The following PCM1 variants were observed in gnomAD, a reference collection of about 807,000 sequenced individuals.
PCM1 encodes the protein pericentriolar material 1.
PCM1 carries 157 observed loss-of-function variants against 241.9 expected under a neutral mutation model. The ratio of observed to expected loss-of-function variants is 0.65; its 90% CI spans 0.57 to 0.74. The LOEUF (loss-of-function observed/expected upper bound fraction) is 0.74, where lower values mean the gene tolerates loss of function less well. PCM1 is among the 30% of genes least tolerant of loss of function. PCM1 has a pLI of 0.00. For missense variants in PCM1, 3,478 were observed against 2,360.1 expected (o/e 1.47, Z -9.81); for synonymous variants, 1,085 against 784.9 (o/e 1.38, Z -6.39).
chr8:17,934,337 C>G (rs1413356756), intron 2 of PCM1, among the ~76,000 whole-genome samples: 2 of 151,744 alleles, frequency 1.3e-5, no homozygotes, highest in Admixed American at 6.6e-5. Flanking sequence ...TCTCGGCTCA[C>G]TGCAACCTTG....
At chr8:17,940,394 A>G (rs540137407) in intron 6 of PCM1, among the ~76,000 whole-genome samples, 6 of 152,342 alleles carry the variant, frequency 3.9e-5, no homozygotes, top group Non-Finnish European at 7.4e-5. Flanking sequence ...TTTGATCTTC[A>G]GTTTATAGAA....
chr8:17,944,008 G>C (rs760809751), intron 6 of PCM1, among the ~76,000 whole-genome samples: 8 of 152,238 alleles, frequency 5.3e-5, no homozygotes, highest in Middle Eastern at 6.8e-3. Flanking sequence ...TCTTGTATAA[G>C]ATGTCAGAAG....
At chr8:17,975,377 A>G (rs1046732265) in intron 23 of PCM1, among the ~76,000 whole-genome samples, 8 of 151,984 alleles carry the variant, frequency 5.3e-5, no homozygotes, top group Non-Finnish European at 1.2e-4. Context: ...TGGTCAGGCT[A>G]GTCTTGAACT....
At chr8:17,983,219 G>A (rs1587773956) in intron 24 of PCM1, 1 of 1,306,636 alleles carries the variant, frequency 7.7e-7, no homozygotes, top group Non-Finnish European at 1.0e-6. Flanking sequence ...CCTTATGTCT[G>A]CCCTTTCCTA....
At chr8:17,999,644 C>T (rs1166423094) in intron 29 of PCM1, among the ~76,000 whole-genome samples, 2 of 152,126 alleles carry the variant, frequency 1.3e-5, no homozygotes, top group Non-Finnish European at 2.9e-5. Context: ...GTGGCGTCAG[C>T]AATTCAAGAT....
rs373160772 is a variant in PCM1, at chr8:17,938,907, G to C, written c.510G>C (p.Gln170His). The C allele has an allele frequency of 5.6e-6, 9 of 1,613,620 alleles. No homozygotes were observed. Among genetic ancestry groups the C allele is most frequent in the Non-Finnish European group, 6.8e-6 (8 of 1,179,656 alleles). Reference protein sequence around the residue: ...PPNRETIGSAQCKELFASALS... With the variant: ...PPNRETIGSAHCKELFASALS... ...ACAGAGAAACGATTGGATCAGCACA[G>C]TGTAAAGAGTTGTTTGCTTCTGCTT... is the stretch of plus-strand genomic sequence containing the variant. Residue 170 changes from glutamine (Q) to histidine (H), a missense_variant, in exon 5 of 39, where the codon CAG (glutamine) becomes CAC (histidine). Transcript: ENST00000325083.
intron 24 of PCM1, among the ~76,000 whole-genome samples, chr8:17,984,682 G>A (rs960167976): frequency 2.6e-5 from 4 of 151,762 alleles, no homozygotes; most frequent in African/African-American, 9.7e-5. Context: ...TTCTTTGAAA[G>A]CGCAATGTAT....
At chr8:18,009,799 G>C in intron 31 of PCM1, 55 bp downstream of exon 31, 1 of 1,087,590 alleles carries the variant, frequency 9.2e-7, no homozygotes, top group Non-Finnish European at 1.2e-6. Flanking sequence ...TACAGTTCTT[G>C]ATCATTATTA....
At chr8:17,943,391 C>G (rs2062807082) in intron 6 of PCM1, among the ~76,000 whole-genome samples, 1 of 152,092 alleles carries the variant, frequency 6.6e-6, no homozygotes, top group African/African-American at 2.4e-5. Flanking sequence ...ATTTTAAAAA[C>G]TAGTGGCATT....
chr8:17,989,822 A>C, intron 26 of PCM1, 37 bp from the exon 27 acceptor site: 1 of 1,355,568 alleles, frequency 7.4e-7, no homozygotes, highest in South Asian at 1.3e-5. Flanking sequence ...AATTCTTAGA[A>C]GTATTAGTGA....
chr8:17,973,432 C>T (rs527321930), intron 23 of PCM1, among the ~76,000 whole-genome samples: 1 of 152,010 alleles, frequency 6.6e-6, no homozygotes, highest in African/African-American at 2.4e-5. Flanking sequence ...GTATTTGGTG[C>T]CTAAGGCTAG....
chr8:18,010,530 G>C (rs1027013188), intron 31 of PCM1, 79 bp from the exon 32 acceptor site: 5 of 1,006,366 alleles, frequency 5.0e-6, no homozygotes, highest in African/African-American at 1.7e-5. Context: ...CCAGTACTTT[G>C]GGAGGCTGAG....
At chr8:17,977,902 T>C (rs989317540) in intron 23 of PCM1, among the ~76,000 whole-genome samples, 1 of 151,980 alleles carries the variant, frequency 6.6e-6, no homozygotes, top group African/African-American at 2.4e-5. Flanking sequence ...TAAGAGAAGG[T>C]GAGAGTCATG....
chr8:17,956,268 T>G (rs936506432), intron 10 of PCM1, among the ~76,000 whole-genome samples: 1 of 152,234 alleles, frequency 6.6e-6, no homozygotes, highest in African/African-American at 2.4e-5. Flanking sequence ...TTAGTAGTAC[T>G]TCACACTTTT....
chr8:18,009,526 ATTTGG>A lies in PCM1; in HGVS notation c.4963-17_4963-13del. ...TTGAAGTTTACTGTCTTTAAAAATT[ATTTGG>A]TTTATCTTTGAATAGGATTCACTGG... is the stretch of plus-strand genomic sequence containing the variant. On this transcript the variant is annotated splice_polypyrimidine_tract_variant and intron_variant, in intron 30 of 38. Coordinates refer to ENST00000325083, the MANE Select transcript of PCM1 (RefSeq NM_006197.4). 1 of 1,504,454 alleles carries A rather than the reference ATTTGG, an allele frequency of 6.6e-7. No homozygotes were observed. Among genetic ancestry groups the A allele is most frequent in the Non-Finnish European group, 9.1e-7 (1 of 1,102,944 alleles). The allele number at this position is 1,504,454 out of a possible 1,614,324, so 93.2% of individuals were successfully genotyped here. A position where few individuals can be genotyped will look rare whatever the true frequency, so the allele number is the denominator to read the frequency against.
rs760352513 is a variant in PCM1 at position 18,010,676 on chromosome 8, CTAAT to C, written c.5220+14_5220+17del. On this transcript the variant is annotated intron_variant, in intron 32 of 38. Transcript: ENST00000325083. ...ATTGATGATGAAGACAAAGTATGTG[CTAAT>C]TAATTTTTGCCTAAAAATATGGCTG... 57 of 1,587,376 alleles carry C rather than the reference CTAAT, an allele frequency of 3.6e-5. No individual in the cohort carries two copies. The highest frequency in any genetic ancestry group is 4.9e-5 in the Non-Finnish European group (57 of 1,166,192).
chr8:17,937,159 C>G lies in PCM1; in HGVS notation c.122C>G (p.Ala41Gly), dbSNP rs1298406367. 3 of 1,570,052 alleles carry G rather than the reference C, an allele frequency of 1.9e-6. No homozygotes were observed. The highest frequency in any genetic ancestry group is 1.9e-5 in the Admixed American group (1 of 52,894). The change falls in exon 4 of 39, where the codon GCA (alanine) becomes GGA (glycine). Residue 41 changes from alanine (A) to glycine (G), a missense_variant. By Grantham distance (60) the Ala-to-Gly change is moderately conservative. Coordinates refer to ENST00000325083, the MANE Select transcript of PCM1 (RefSeq NM_006197.4). ...GATTGGGGTGCCCAACAGAAGAAAG[C>G]AAATAGATCATCAGAAAAGAATAAG... is the stretch of plus-strand genomic sequence containing the variant. ...NMDWGAQQKK[A>G]NRSSEKNKKK...
chr8:17,975,999 C>A (rs979240905), intron 23 of PCM1, among the ~76,000 whole-genome samples: 2 of 152,180 alleles, frequency 1.3e-5, no homozygotes, highest in Non-Finnish European at 2.9e-5. Context: ...AGATTTTCTT[C>A]ACTCTTTTCT....
At chr8:17,997,082 C>T (rs1164384049) in intron 29 of PCM1, among the ~76,000 whole-genome samples, 1 of 151,810 alleles carries the variant, frequency 6.6e-6, no homozygotes, top group South Asian at 2.1e-4. Context: ...TCAGACAGGT[C>T]TGGTGTTGAT....
Sources: gnomAD v4.1 joint callset for allele counts (sites outside exome capture counted in the v4.1 genomes callset) on GRCh38, gnomAD v4.1.1 for gene constraint, MANE v1.5 for transcripts, NCBI Gene and HGNC (gene_info 2026-07-23, HGNC 2026-07-21) for gene names.